ACAP2: variants seen among roughly 807,000 people sequenced by gnomAD.
ACAP2 encodes ArfGAP with coiled-coil, ankyrin repeat and PH domains 2.
ACAP2 carries 39 observed loss-of-function variants against 115.8 expected under a neutral mutation model. The observed-to-expected ratio is 0.34, with a 90% CI of 0.26 to 0.44. The LOEUF (loss-of-function observed/expected upper bound fraction) is 0.44, where lower values mean the gene tolerates loss of function less well. Ranked by LOEUF, ACAP2 falls within the 20% of genes least tolerant of loss-of-function variation. The pLI is 1.00. For missense variants in ACAP2, 662 were observed against 927.6 expected, an observed-to-expected ratio of 0.71 and a Z score of 3.72; for synonymous variants, 289 against 315.8, an observed-to-expected ratio of 0.92 and a Z score of 0.90.
At position 195,306,521 on chromosome 3, in the gene ACAP2, T is replaced by A; in HGVS notation, c.1106A>T (p.Asp369Val). ...SIATAYREKG[D>V]ESEKLDKKSS... ...AATACCTCTACTAACCTCTGATTCA[T>A]CACCCTTCTCTCTATAAGCAGTAGC... Residue 369 changes from aspartate to valine, a missense_variant, in exon 13 of 23, where the codon GAT becomes GTT. Coordinates refer to ENST00000326793, the MANE Select transcript of ACAP2 (RefSeq NM_012287.6). The A allele has an allele frequency of 2.5e-6, 4 of 1,604,982 alleles. No homozygotes were observed. The highest frequency in any genetic ancestry group is 3.4e-6 in the Non-Finnish European group (4 of 1,176,522).
rs773408473 is a variant in ACAP2 at position 195,333,058 on chromosome 3, A to T, written c.639T>A (p.Leu213=). The part of the protein sequence containing the change: ...FHQGYDLFSE[L]GPYMKDLGAQ... ...CACCAAGATCCTTCATGTAGGGTCCAAGTTCACTAAACAGATCATATCCTT... is the reference window on the plus strand; with the variant it reads ...CACCAAGATCCTTCATGTAGGGTCCTAGTTCACTAAACAGATCATATCCTT... The change falls in exon 8 of 23, where the codon CTT becomes CTA. Residue 213 remains leucine, a synonymous_variant. Coordinates refer to ENST00000326793, the MANE Select transcript of ACAP2 (RefSeq NM_012287.6). 2 of 1,611,228 alleles carry T rather than the reference A, an allele frequency of 1.2e-6. No homozygotes were observed. Among genetic ancestry groups the T allele is most frequent in the Non-Finnish European group, 1.7e-6 (2 of 1,178,666 alleles).
intron 11 of ACAP2, among the ~76,000 whole-genome samples, chr3:195,307,757 CAGAA>C (rs560123820): frequency 1.2e-3 from 182 of 152,216 alleles, no homozygotes; most frequent in Non-Finnish European, 2.2e-3. Context: ...CTAGGAGAAT[CAGAA>C]AGATTTTATC....
At chr3:195,359,350 T>C (rs1368807265) in intron 4 of ACAP2, among the ~76,000 whole-genome samples, 1 of 152,146 alleles carries the variant, frequency 6.6e-6, no homozygotes, top group Non-Finnish European at 1.5e-5. Flanking sequence ...AATAGAAAGG[T>C]GAAAAGATAA....
intron 22 of ACAP2, chr3:195,285,563 G>A: frequency 2.3e-6 from 1 of 429,002 alleles, no homozygotes; most frequent in Non-Finnish European, 4.1e-6. Flanking sequence ...GCAAGTCAAT[G>A]TGTACTGTCA....
chr3:195,276,073 A>C lies in ACAP2; in HGVS notation c.*3255T>G, dbSNP rs1324575145. 1 of 152,666 alleles carries C rather than the reference A, an allele frequency of 6.6e-6. No individual in the cohort carries two copies. Among genetic ancestry groups the C allele is most frequent in the African/African-American group, 2.4e-5 (1 of 41,466 alleles). The allele number at this position is 152,666 out of a possible 1,614,324, so 9.5% of individuals were successfully genotyped here. A position where few individuals can be genotyped will look rare whatever the true frequency, so the allele number is the denominator to read the frequency against. On this transcript the variant is annotated 3_prime_UTR_variant, in exon 23 of 23. Coordinates refer to ENST00000326793, the MANE Select transcript of ACAP2 (RefSeq NM_012287.6). ...AAGAATGATCTGGGAATGTCTGTTC[A>C]AAACGGTAGTAAATTTAGTCTTAAA...
At chr3:195,347,623 T>C (rs1731268019) in intron 4 of ACAP2, among the ~76,000 whole-genome samples, 1 of 152,236 alleles carries the variant, frequency 6.6e-6, no homozygotes, top group Non-Finnish European at 1.5e-5. Flanking sequence ...TAAAAAGGAT[T>C]TGACTTACAT....
intron 4 of ACAP2, among the ~76,000 whole-genome samples, chr3:195,378,486 G>A (rs552272595): frequency 6.8e-6 from 1 of 146,932 alleles, no homozygotes; most frequent in Non-Finnish European, 1.5e-5. Context: ...GCGAGACTCC[G>A]TCTCAAAACA....
At chr3:195,365,899 T>C (rs983997226) in intron 4 of ACAP2, among the ~76,000 whole-genome samples, 9 of 150,360 alleles carry the variant, frequency 6.0e-5, no homozygotes, top group African/African-American at 2.2e-4. Flanking sequence ...GGAGTGTAGG[T>C]GGCGCGACCT....
At chr3:195,412,927 G>A (rs1320923688) in intron 1 of ACAP2, 1 of 455,976 alleles carries the variant, frequency 2.2e-6, no homozygotes, top group Admixed American at 2.4e-5. Flanking sequence ...CTAAGTGAAG[G>A]AAACACAATT....
intron 10 of ACAP2, among the ~76,000 whole-genome samples, chr3:195,310,846 T>G (rs1253536769): frequency 6.6e-6 from 1 of 152,080 alleles, no homozygotes; most frequent in African/African-American, 2.4e-5. Flanking sequence ...GGAAAGAAAA[T>G]ATAAACTCTT....
chr3:195,434,651 A>C (rs1351887050), intron 1 of ACAP2, among the ~76,000 whole-genome samples: 1 of 152,246 alleles, frequency 6.6e-6, no homozygotes, highest in East Asian at 1.9e-4. Flanking sequence ...TATTTCTTAA[A>C]GGAGTGTGAA....
At chr3:195,440,208 C>T (rs1343493757) in intron 1 of ACAP2, among the ~76,000 whole-genome samples, 1 of 151,478 alleles carries the variant, frequency 6.6e-6, no homozygotes, top group African/African-American at 2.4e-5. Flanking sequence ...AAAGGGAACC[C>T]AAAATTATAC....
At chr3:195,302,389 T>C (rs1008902322) in intron 13 of ACAP2, among the ~76,000 whole-genome samples, 1 of 152,120 alleles carries the variant, frequency 6.6e-6, no homozygotes, top group Non-Finnish European at 1.5e-5. Flanking sequence ...CGTGTAAACA[T>C]TTAAAATTAT....
rs10690317 is a variant in ACAP2 at position 195,425,026 on chromosome 3, C to CAAAAAAAAAAA, written c.53+17758_53+17768dup. ...TGGGCGACAGAGCGAGACTCCGTCT[C>CAAAAAAAAAAA]AAAAAAAAAAAAAAAAAAAAAAAAA... is the stretch of plus-strand genomic sequence containing the variant. On this transcript the variant is annotated intron_variant, in intron 1 of 22. Coordinates refer to ENST00000326793, the MANE Select transcript of ACAP2 (RefSeq NM_012287.6). Among the ~76,000 whole-genome samples the CAAAAAAAAAAA allele has an allele frequency of 1.5e-3, 40 of 26,654 alleles. 8 individuals are homozygous for CAAAAAAAAAAA. The highest frequency in any genetic ancestry group is 2.9e-3 in the East Asian group (3 of 1,042). The allele number at this position is 26,654 out of a possible 152,430, so 17.5% of individuals were successfully genotyped here. A position where few individuals can be genotyped will look rare whatever the true frequency, so the allele number is the denominator to read the frequency against.
chr3:195,367,171 G>T (rs1333095152), intron 4 of ACAP2, among the ~76,000 whole-genome samples: 1 of 152,054 alleles, frequency 6.6e-6, no homozygotes, highest in East Asian at 1.9e-4. Context: ...CACCTGGAAG[G>T]CTTGTTCAAA....
At chr3:195,296,687 G>A (rs1727675781) in intron 16 of ACAP2, among the ~76,000 whole-genome samples, 1 of 152,148 alleles carries the variant, frequency 6.6e-6, no homozygotes, top group Non-Finnish European at 1.5e-5. Context: ...AGAATTGGAA[G>A]AATAATTTCA....
intron 4 of ACAP2, among the ~76,000 whole-genome samples, chr3:195,365,270 G>C: frequency 6.6e-6 from 1 of 152,072 alleles, no homozygotes; most frequent in East Asian, 1.9e-4. Flanking sequence ...AAATAACAAG[G>C]TGTATAACTG....
Position 195,381,789 on chromosome 3 carries a change from T to C in ACAP2, c.231+114A>G, listed in dbSNP as rs1289714742. 3.9e-6 allele frequency: 5 copies of C among 1,271,198 alleles called. No individual in the cohort carries two copies. In the South Asian group the frequency reaches 4.6e-5, roughly 12 times the overall value. 78.7% of individuals were successfully genotyped at this position (1,271,198 alleles called of 1,614,324 possible). A position where few individuals can be genotyped will look rare whatever the true frequency, so the allele number is the denominator to read the frequency against. ...GAGCACCAAGGGGTGACCACTTTTC[T>C]ACTTCTAATTTTAAGTATCACCATA... On this transcript the variant is annotated intron_variant, in intron 3 of 22. Transcript: ENST00000326793.
rs1733615707 is a variant in ACAP2 at position 195,377,228 on chromosome 3, C to G, written c.285+3781G>C. ...AGTGCAATCACAGCTCACTGTGGCCCCAACTTCCCAGGCTCAAGTGATCCT... is the reference window on the plus strand; with the variant it reads ...AGTGCAATCACAGCTCACTGTGGCCGCAACTTCCCAGGCTCAAGTGATCCT... On this transcript the variant is annotated intron_variant, in intron 4 of 22. Transcript: ENST00000326793. Among the ~76,000 whole-genome samples, 3 of 146,680 alleles carry G rather than the reference C, an allele frequency of 2.0e-5. No homozygotes were observed. The South Asian group carries it at 6.5e-4, about 32-fold the overall frequency.
Sources: allele counts gnomAD v4.1 joint callset (sites outside exome capture counted in the v4.1 genomes callset), GRCh38; gene constraint gnomAD v4.1.1; transcripts MANE v1.5; gene names NCBI Gene and HGNC (gene_info 2026-07-23, HGNC 2026-07-21).